The following DOCK2 variants were observed in gnomAD, a reference collection of about 807,000 sequenced individuals.
DOCK2 encodes dedicator of cytokinesis protein 2.
A neutral mutation model predicts 248.9 loss-of-function variants in DOCK2; 87 were observed. The observed-to-expected ratio is 0.35, with a 90% CI of 0.29 to 0.42. The LOEUF (loss-of-function observed/expected upper bound fraction) is 0.42. DOCK2 is among the 10% of genes least tolerant of loss of function. The probability of loss-of-function intolerance (pLI) is 1.00; values close to 1 mark genes in which losing one functional copy is unlikely to be tolerated. For synonymous variants in DOCK2, 805 were observed against 821.6 expected (o/e 0.98, Z 0.35); for missense variants, 1,747 against 2,300.2 (o/e 0.76, Z 4.92).
intron 27 of DOCK2, among the ~76,000 whole-genome samples, chr5:169,938,922 G>C (rs151167111): frequency 0.054 from 3,617 of 67,462 alleles, 153 homozygotes; most frequent in African/African-American, 0.16. Context: ...TTTTTTTTTT[G>C]AAATGGAGTC....
At position 169,891,995 on chromosome 5, in the gene DOCK2, CAAAAAAAAA is replaced by C. The variant is rs571918885; in HGVS notation, c.2799+51152_2799+51160del. Among the ~76,000 whole-genome samples the C allele has an allele frequency of 5.0e-3, 319 of 64,248 alleles. 2 individuals are homozygous for C. The highest frequency in any genetic ancestry group is 7.2e-3 in the Non-Finnish European group (231 of 32,278). 42.1% of individuals were successfully genotyped at this position (64,248 alleles called of 152,430 possible). Reference sequence around the variant, plus strand: ...TGGGCAACAGTGCGAGATTCCGTCCCAAAAAAAAAAAAAAAAAGAAAAAGAAAAAAGAAA... The same window carrying C: ...TGGGCAACAGTGCGAGATTCCGTCCCAAAAAAAAGAAAAAGAAAAAAGAAA... On this transcript the variant is annotated intron_variant, in intron 27 of 51. Transcript: ENST00000520908.
intron 22 of DOCK2, among the ~76,000 whole-genome samples, chr5:169,736,266 A>G (rs1376226153): frequency 6.6e-6 from 1 of 152,000 alleles, no homozygotes; most frequent in Non-Finnish European, 1.5e-5. Context: ...GGGTAAAGTG[A>G]TGGGTCTTTT....
At chr5:169,752,488 C>T (rs1763949962) in intron 23 of DOCK2, among the ~76,000 whole-genome samples, 2 of 152,014 alleles carry the variant, frequency 1.3e-5, no homozygotes, top group Admixed American at 1.3e-4. Context: ...CCTGTAATCC[C>T]AGCACTTTAG....
intron 23 of DOCK2, among the ~76,000 whole-genome samples, chr5:169,749,157 C>T: frequency 6.6e-6 from 1 of 152,340 alleles, no homozygotes; most frequent in African/African-American, 2.4e-5. Context: ...TCTTTGATAA[C>T]TTTTCAACAG....
chr5:169,699,513 C>G (rs2113458686), intron 12 of DOCK2, 55 bp downstream of exon 12: 1 of 1,534,974 alleles, frequency 6.5e-7, no homozygotes, highest in South Asian at 1.2e-5. Context: ...GAGCCCCTAA[C>G]TCTTCAGCAA....
At position 169,985,859 on chromosome 5, in the gene DOCK2, A is replaced by T; in HGVS notation, c.2930A>T (p.Lys977Met). The T allele has an allele frequency of 6.2e-7, 1 of 1,610,884 alleles. No individual in the cohort carries two copies. The highest frequency in any genetic ancestry group is 8.5e-7 in the Non-Finnish European group (1 of 1,178,086). Residue 977 changes from lysine (K) to methionine (M), a missense_variant, in exon 29 of 52, where the codon AAG becomes ATG. Coordinates refer to ENST00000520908, the MANE Select transcript of DOCK2 (RefSeq NM_004946.3). ...DFLMETFIMFKDLIGKNVYPG... is the reference protein window; with the variant it reads ...DFLMETFIMFMDLIGKNVYPG... ...TTGATGGAGACCTTCATCATGTTCAAGGACCTCATTGGAAAGAACGTGTAC... is the reference window on the plus strand; with the variant it reads ...TTGATGGAGACCTTCATCATGTTCATGGACCTCATTGGAAAGAACGTGTAC...
At chr5:169,696,469 G>A (rs1220339341) in intron 10 of DOCK2, among the ~76,000 whole-genome samples, 3 of 152,106 alleles carry the variant, frequency 2.0e-5, no homozygotes, top group East Asian at 1.9e-4. Flanking sequence ...CTAAGGCTTC[G>A]TCATTCTTGC....
chr5:169,676,682 C>T (rs11956275), intron 6 of DOCK2, among the ~76,000 whole-genome samples: 8,314 of 152,226 alleles, frequency 0.055, 256 homozygotes, highest in South Asian at 0.1. Context: ...AGCCTGGGAA[C>T]ACCCACCTCC....
chr5:170,020,303 T>A (rs1008819917), intron 33 of DOCK2, among the ~76,000 whole-genome samples: 1 of 152,178 alleles, frequency 6.6e-6, no homozygotes, highest in South Asian at 2.1e-4. Context: ...CTCTTACTGA[T>A]CCTGCGAAGC....
intron 27 of DOCK2, among the ~76,000 whole-genome samples, chr5:169,972,448 G>C (rs567697117): frequency 6.6e-6 from 1 of 151,324 alleles, no homozygotes; most frequent in East Asian, 2.0e-4. Context: ...ATAGATGTCA[G>C]TAGCAACCTC....
chr5:169,733,116 C>T (rs1762865231), intron 22 of DOCK2, among the ~76,000 whole-genome samples: 1 of 152,092 alleles, frequency 6.6e-6, no homozygotes, highest in Non-Finnish European at 1.5e-5. Flanking sequence ...GCATCCTCCA[C>T]ACCACCCCCT....
At chr5:169,733,797 A>C (rs1467927569) in intron 22 of DOCK2, among the ~76,000 whole-genome samples, 2 of 152,072 alleles carry the variant, frequency 1.3e-5, no homozygotes, top group Non-Finnish European at 2.9e-5. Context: ...TTCTGGTTTT[A>C]TCTCTCTGGT....
rs1197048244 is a variant in DOCK2 at position 169,971,260 on chromosome 5, G to A, written c.2800-11808G>A. ...GAATCAATGAAGTATCATTCCCAGA[G>A]CAGGAAGGAAGCTGCCAGAGAAGGA... On this transcript the variant is annotated intron_variant, in intron 27 of 51. Transcript: ENST00000520908. 2.6e-5 allele frequency among the ~76,000 whole-genome samples: 4 copies of A among 151,882 alleles called. No homozygotes were observed. In the East Asian group the frequency reaches 7.7e-4, roughly 29 times the overall value.
At chr5:169,651,272 G>A (rs1256043700) in intron 1 of DOCK2, among the ~76,000 whole-genome samples, 1 of 152,200 alleles carries the variant, frequency 6.6e-6, no homozygotes, top group Non-Finnish European at 1.5e-5. Context: ...GGCAGAAATA[G>A]ATTTATAAAT....
At chr5:169,882,896 T>C (rs1581352037) in intron 27 of DOCK2, 3 of 1,551,814 alleles carry the variant, frequency 1.9e-6, no homozygotes, top group Non-Finnish European at 2.6e-6. Context: ...TTCTGGTGAT[T>C]GTTACTTGAT....
At chr5:169,967,887 G>GA (rs1777362125) in intron 27 of DOCK2, among the ~76,000 whole-genome samples, 1 of 152,154 alleles carries the variant, frequency 6.6e-6, no homozygotes, top group African/African-American at 2.4e-5. Context: ...AGGAGCGAGA[G>GA]AAAGGGTGGA....
intron 42 of DOCK2, among the ~76,000 whole-genome samples, chr5:170,055,681 G>T (rs927297732): frequency 6.6e-6 from 1 of 152,252 alleles, no homozygotes; most frequent in African/African-American, 2.4e-5. Context: ...TGCTCAGGTT[G>T]ATCTCAGAGT....
At chr5:169,884,229 C>T (rs899014103) in intron 27 of DOCK2, 10 of 197,574 alleles carry the variant, frequency 5.1e-5, no homozygotes, top group South Asian at 3.7e-4. Flanking sequence ...GAGGCTGGCA[C>T]GCGGTTCTGA....
intron 25 of DOCK2, among the ~76,000 whole-genome samples, chr5:169,790,519 G>A (rs1165340363): frequency 6.6e-6 from 1 of 152,214 alleles, no homozygotes; most frequent in African/African-American, 2.4e-5. Context: ...AATTCTCTGA[G>A]TTTGGTATTC....
Sources: allele counts gnomAD v4.1 joint callset (sites outside exome capture counted in the v4.1 genomes callset), GRCh38; gene constraint gnomAD v4.1.1; transcripts MANE v1.5; gene names NCBI Gene and HGNC (gene_info 2026-07-23, HGNC 2026-07-21).